Variants in ATIC observed in about 807,000 individuals in gnomAD.
ATIC encodes bifunctional purine biosynthesis protein ATIC.
Under a neutral mutation model 72.5 loss-of-function variants are expected in ATIC, and 64 were observed. The ratio of observed to expected loss-of-function variants is 0.88; its 90% CI spans 0.72 to 1.09. The LOEUF (loss-of-function observed/expected upper bound fraction) is 1.09. Ranked by LOEUF, ATIC falls within the 50% of genes least tolerant of loss-of-function variation. The probability of loss-of-function intolerance (pLI) is 0.00; values close to 1 mark genes in which losing one functional copy is unlikely to be tolerated. For synonymous variants in ATIC, 281 were observed against 267.1 expected (o/e 1.05, Z -0.51); for missense variants, 787 against 732.4 (o/e 1.07, Z -0.86).
intron 2 of ATIC, among the ~76,000 whole-genome samples, chr2:215,314,779 A>C (rs1489131690): frequency 6.6e-5 from 10 of 152,062 alleles, no homozygotes; most frequent in Admixed American, 6.6e-4. Flanking sequence ...GGTGTGAGCC[A>C]CCGCACCCGA....
At chr2:215,313,271 T>TTC (rs2052674989) in intron 2 of ATIC, among the ~76,000 whole-genome samples, 1 of 152,214 alleles carries the variant, frequency 6.6e-6, no homozygotes, top group African/African-American at 2.4e-5. Flanking sequence ...TTACTTTGAC[T>TTC]GGTGATTTAA....
intron 12 of ATIC, among the ~76,000 whole-genome samples, chr2:215,342,491 T>A (rs1369870831): frequency 6.6e-6 from 1 of 152,168 alleles, no homozygotes; most frequent in East Asian, 1.9e-4. Context: ...CCATTGACAT[T>A]GATAACAGTT....
intron 11 of ATIC, among the ~76,000 whole-genome samples, chr2:215,336,746 C>T (rs1200623991): frequency 1.3e-5 from 2 of 152,074 alleles, no homozygotes; most frequent in Non-Finnish European, 2.9e-5. Flanking sequence ...TACAAATACC[C>T]CTGCAGTGAA....
chr2:215,351,769 C>T (rs2053132641), downstream of ATIC, among the ~76,000 whole-genome samples: 1 of 152,192 alleles, frequency 6.6e-6, no homozygotes, highest in Admixed American at 6.5e-5. Context: ...TACACAGTGA[C>T]TTGCTTTCAA....
chr2:215,354,473 C>T (rs2053152434), downstream of ATIC, among the ~76,000 whole-genome samples: 1 of 152,186 alleles, frequency 6.6e-6, no homozygotes, highest in African/African-American at 2.4e-5. Flanking sequence ...TTTCCTCTCT[C>T]CCATTTCTTC....
intron 2 of ATIC, among the ~76,000 whole-genome samples, chr2:215,317,099 T>C (rs2052718265): frequency 6.6e-6 from 1 of 152,174 alleles, no homozygotes; most frequent in African/African-American, 2.4e-5. Context: ...TGGGCATTTT[T>C]ACACACCATT....
At chr2:215,349,411 C>A in intron 15 of ATIC, 125 bp from the exon 16 acceptor site, 1 of 1,576,604 alleles carries the variant, frequency 6.3e-7, no homozygotes, top group Non-Finnish European at 8.7e-7. Flanking sequence ...GAACCCAAAT[C>A]CTGTTGTTAT....
chr2:215,364,434 A>T, the ATIC span: 1 of 243,322 alleles, frequency 4.1e-6, no homozygotes, highest in East Asian at 9.9e-5. Flanking sequence ...AGGGGAGGGG[A>T]GGGTCTCAGG....
chr2:215,347,540 G>A (rs2053084840), intron 14 of ATIC: 1 of 481,732 alleles, frequency 2.1e-6, no homozygotes, highest in Non-Finnish European at 4.1e-6. Flanking sequence ...ACAAAATGCT[G>A]GATGGAAAAC....
chr2:215,317,998 A>G, intron 2 of ATIC, 159 bp from the exon 3 acceptor site: 1 of 680,762 alleles, frequency 1.5e-6, no homozygotes. Flanking sequence ...ATAGAATTTT[A>G]CTTAAGAAAT....
rs186340534 is a variant in ATIC, at chr2:215,343,895, A to G, written c.1228-884A>G. Among the ~76,000 whole-genome samples the G allele has an allele frequency of 1.1e-4, 17 of 152,342 alleles. No individual in the cohort carries two copies. The East Asian group carries it at 3.3e-3, about 29-fold the overall frequency. On this transcript the variant is annotated intron_variant, in intron 12 of 15. Coordinates refer to ENST00000236959, the MANE Select transcript of ATIC (RefSeq NM_004044.7). ...TTTTCCATTTGTATTCATGCCTGAT[A>G]CTAAAGATAGTGATATTTTTGGGCG... is the stretch of plus-strand genomic sequence containing the variant.
intron 7 of ATIC, among the ~76,000 whole-genome samples, chr2:215,331,823 C>T (rs2052898162): frequency 6.6e-6 from 1 of 152,202 alleles, no homozygotes; most frequent in Admixed American, 6.5e-5. Flanking sequence ...AAGTTGCAGT[C>T]TCCTTTTAAC....
chr2:215,365,012 C>G, the ATIC span: 1 of 1,403,484 alleles, frequency 7.1e-7, no homozygotes, highest in Non-Finnish European at 9.9e-7. Flanking sequence ...GACAGATGCA[C>G]GCATAAGCTG....
At chr2:215,340,302 A>G (rs1240547485) in intron 12 of ATIC, among the ~76,000 whole-genome samples, 4 of 152,340 alleles carry the variant, frequency 2.6e-5, no homozygotes, top group East Asian at 3.9e-4. Context: ...AAATTGTACC[A>G]TAAAGGACAA....
rs10175961 is a variant in ATIC at position 215,344,808 on chromosome 2, C to T, written c.1257C>T (p.Ile419=). Residue 419 remains isoleucine (I), a synonymous_variant, in exon 13 of 16, where the codon ATC becomes ATT. Coordinates refer to ENST00000236959, the MANE Select transcript of ATIC (RefSeq NM_004044.7). ...DLPESALRDL[I]VATIAVKYTQ... is the part of the protein sequence containing the mutation. ...CAGAGTCTGCCCTCCGAGACCTCAT[C>T]GTAGCCACCATTGCTGTCAAGTACA... is the stretch of plus-strand genomic sequence containing the variant. The T allele has an allele frequency of 3.7e-4, 599 of 1,614,044 alleles. No homozygotes were observed. The highest frequency in any genetic ancestry group is 4.9e-4 in the Middle Eastern group (3 of 6,062).
rs1375817831 is a variant in ATIC, at chr2:215,325,224, T to A, written c.291-17T>A. On this transcript the variant is annotated splice_polypyrimidine_tract_variant and intron_variant, in intron 4 of 15. Coordinates refer to ENST00000236959, the MANE Select transcript of ATIC (RefSeq NM_004044.7). ...GTGGACTTTTTAATGACAGCCAGAT[T>A]CGTCTTTGTTTTATAGAGTTGTTGC... 1 of 1,602,392 alleles carries A rather than the reference T, an allele frequency of 6.2e-7. No homozygotes were observed. Among genetic ancestry groups the A allele is most frequent in the Non-Finnish European group, 8.6e-7 (1 of 1,169,374 alleles).
the ATIC span, chr2:215,364,646 T>C: frequency 8.5e-6 from 5 of 586,674 alleles, no homozygotes; most frequent in Non-Finnish European, 1.5e-5. Context: ...TTTGGTACTC[T>C]ACATGCCATT....
intron 2 of ATIC, among the ~76,000 whole-genome samples, chr2:215,317,559 C>T (rs987142109): frequency 6.6e-6 from 1 of 152,148 alleles, no homozygotes; most frequent in African/African-American, 2.4e-5. Context: ...GATCTCGGCT[C>T]ACTGCGACCT....
chr2:215,354,240 G>A (rs921745405), downstream of ATIC, among the ~76,000 whole-genome samples: 4 of 151,972 alleles, frequency 2.6e-5, no homozygotes, highest in African/African-American at 9.7e-5. Context: ...ATGTTGTCCA[G>A]GCTGGTCTTG....
Sources: allele counts gnomAD v4.1 joint callset (sites outside exome capture counted in the v4.1 genomes callset), GRCh38; gene constraint gnomAD v4.1.1; transcripts MANE v1.5; gene names NCBI Gene and HGNC (gene_info 2026-07-23, HGNC 2026-07-21).